The following MTUS2 variants were observed in gnomAD, a reference collection of about 807,000 sequenced individuals.
The protein encoded by MTUS2 is microtubule-associated tumor suppressor candidate 2.
A neutral mutation model predicts 114.1 loss-of-function variants in MTUS2; 40 were observed. The ratio of observed to expected loss-of-function variants is 0.35; its 90% CI spans 0.27 to 0.46. The LOEUF (loss-of-function observed/expected upper bound fraction) is 0.46, where lower values mean the gene tolerates loss of function less well. MTUS2 is among the 20% of genes least tolerant of loss of function. The pLI is 1.00. For missense variants in MTUS2, 1,679 were observed against 1,705.4 expected (o/e 0.98, Z 0.27); for synonymous variants, 688 against 672.0 (o/e 1.02, Z -0.37).
At chr13:29,232,296 ACGCGCG>A (rs60135574) in intron 5 of MTUS2, among the ~76,000 whole-genome samples, 24,560 of 148,552 alleles carry the variant, frequency 0.17, 2,233 homozygotes, top group East Asian at 0.39. Flanking sequence ...ACACACACAC[ACGCGCG>A]CGCGCACACA....
intron 8 of MTUS2, among the ~76,000 whole-genome samples, chr13:29,424,933 G>A (rs1876396939): frequency 6.6e-6 from 1 of 152,056 alleles, no homozygotes; most frequent in Non-Finnish European, 1.5e-5. Context: ...TTCAAACAAA[G>A]AAACCAGGAA....
At chr13:29,363,168 G>A (rs761515933) in intron 8 of MTUS2, among the ~76,000 whole-genome samples, 2 of 152,126 alleles carry the variant, frequency 1.3e-5, no homozygotes, top group Non-Finnish European at 2.9e-5. Context: ...GTGGTTCCCC[G>A]TAATGCTACT....
chr13:29,201,853 T>G (rs942899542), intron 5 of MTUS2, among the ~76,000 whole-genome samples: 44 of 152,214 alleles, frequency 2.9e-4, no homozygotes, highest in African/African-American at 1.0e-3. Context: ...CTGGCTTGTA[T>G]GGTTTCTGCG....
intron 5 of MTUS2, among the ~76,000 whole-genome samples, chr13:29,228,089 A>G (rs1896181871): frequency 6.6e-6 from 1 of 152,220 alleles, no homozygotes; most frequent in Non-Finnish European, 1.5e-5. Context: ...TCACAGAAAT[A>G]AAAGCATCAA....
chr13:29,153,289 A>ATGTGTC (rs1892731564), intron 5 of MTUS2, among the ~76,000 whole-genome samples: 2 of 152,206 alleles, frequency 1.3e-5, no homozygotes, highest in South Asian at 4.1e-4. Context: ...GTTAAAAAAG[A>ATGTGTC]ACCTCACATT....
intron 5 of MTUS2, among the ~76,000 whole-genome samples, chr13:29,232,464 C>G (rs528353621): frequency 2.0e-5 from 3 of 152,158 alleles, no homozygotes; most frequent in Admixed American, 2.0e-4. Flanking sequence ...AAATAAATAG[C>G]CATTGGGGGG....
chr13:28,991,593 C>T (rs535301802), intron 2 of MTUS2, among the ~76,000 whole-genome samples: 12 of 152,272 alleles, frequency 7.9e-5, no homozygotes, highest in African/African-American at 9.6e-5. Flanking sequence ...TGGTCTCAGT[C>T]TCCTGACCTC....
chr13:29,304,456 A>G (rs1354319907), intron 6 of MTUS2, among the ~76,000 whole-genome samples: 1 of 152,162 alleles, frequency 6.6e-6, no homozygotes, highest in Non-Finnish European at 1.5e-5. Flanking sequence ...TTACCACACT[A>G]ATGGAAAAAA....
intron 2 of MTUS2, among the ~76,000 whole-genome samples, chr13:28,985,814 A>G (rs1884559848): frequency 6.6e-6 from 1 of 152,158 alleles, no homozygotes; most frequent in African/African-American, 2.4e-5. Flanking sequence ...GCCTCATCCA[A>G]TCAGTTTTAG....
chr13:29,217,932 A>G (rs947394828), intron 5 of MTUS2, among the ~76,000 whole-genome samples: 4 of 152,194 alleles, frequency 2.6e-5, no homozygotes, highest in Non-Finnish European at 4.4e-5. Flanking sequence ...AGCCTGGGCA[A>G]CATAATAAGA....
chr13:29,479,982 T>A, intron 9 of MTUS2, 168 bp from the exon 10 acceptor site: 1 of 616,340 alleles, frequency 1.6e-6, no homozygotes, highest in Non-Finnish European at 2.8e-6. Context: ...GTTGTGAGGA[T>A]CTAATGGGTG....
At chr13:29,456,685 C>A (rs929530197) in intron 9 of MTUS2, among the ~76,000 whole-genome samples, 16 of 151,690 alleles carry the variant, frequency 1.1e-4, no homozygotes, top group African/African-American at 2.9e-4. Context: ...GAACAGAGCC[C>A]AGAAGGCAGT....
At chr13:28,916,303 T>C (rs1272032686) in intron 2 of MTUS2, among the ~76,000 whole-genome samples, 1 of 151,878 alleles carries the variant, frequency 6.6e-6, no homozygotes, top group African/African-American at 2.4e-5. Flanking sequence ...TCCACAGACA[T>C]ATTAGCGTTG....
intron 5 of MTUS2, among the ~76,000 whole-genome samples, chr13:29,278,373 T>C (rs994815539): frequency 6.6e-6 from 1 of 152,050 alleles, no homozygotes; most frequent in South Asian, 2.1e-4. Flanking sequence ...AATATATCAG[T>C]ATCCAATATA....
intron 3 of MTUS2, among the ~76,000 whole-genome samples, chr13:29,032,776 C>T (rs2479757): frequency 0.51 from 77,787 of 151,958 alleles, 20,081 homozygotes; most frequent in South Asian, 0.72. Flanking sequence ...TTATAGCCCC[C>T]ATTAAAGAAT....
chr13:29,368,000 G>A (rs1306074943), intron 8 of MTUS2, among the ~76,000 whole-genome samples: 4 of 149,216 alleles, frequency 2.7e-5, no homozygotes, highest in Admixed American at 6.7e-5. Flanking sequence ...CGGCAGTGGC[G>A]CTATCTCGGC....
At chr13:29,134,570 G>A (rs1242935375) in intron 5 of MTUS2, among the ~76,000 whole-genome samples, 2 of 151,940 alleles carry the variant, frequency 1.3e-5, no homozygotes, top group Non-Finnish European at 2.9e-5. Context: ...GTTTATAATT[G>A]TTATATATAT....
chr13:29,015,458 T>C (rs1306409840), intron 2 of MTUS2, among the ~76,000 whole-genome samples: 4 of 152,194 alleles, frequency 2.6e-5, no homozygotes, highest in African/African-American at 9.6e-5. Context: ...TACAGAGTAC[T>C]CATTCTGTGC....
At chr13:29,409,760 C>T (rs1875077538) in intron 8 of MTUS2, among the ~76,000 whole-genome samples, 1 of 150,978 alleles carries the variant, frequency 6.6e-6, no homozygotes, top group Non-Finnish European at 1.5e-5. Flanking sequence ...CTCTGGAAAT[C>T]ATGCCAGATA....
Sources: allele counts gnomAD v4.1 joint callset (sites outside exome capture counted in the v4.1 genomes callset), GRCh38; gene constraint gnomAD v4.1.1; transcripts MANE v1.5; gene names NCBI Gene and HGNC (gene_info 2026-07-23, HGNC 2026-07-21).